The following PSG5 variants were observed in gnomAD, a reference collection of about 807,000 sequenced individuals.
The protein encoded by PSG5 is pregnancy-specific beta-1-glycoprotein 5.
In PSG5, 53 loss-of-function variants were observed where a neutral mutation model predicts 37.7. The ratio of observed to expected loss-of-function variants is 1.41; its 90% confidence interval spans 1.13 to 1.77. The LOEUF is 1.77. Among genes scored for constraint, PSG5 ranks in the 40% most tolerant of loss-of-function variants. PSG5 has a pLI of 0.00. For synonymous variants in PSG5, 221 were observed against 155.4 expected, an observed-to-expected ratio of 1.42 and a Z score of -3.14; for missense variants, 547 against 405.2, an observed-to-expected ratio of 1.35 and a Z score of -3.00.
intron 2 of PSG5, among the ~76,000 whole-genome samples, 162 bp from the exon 3 acceptor site, chr19:43,176,310 G>T (rs1472345400): frequency 6.6e-6 from 1 of 151,544 alleles, no homozygotes; most frequent in African/African-American, 2.4e-5. Flanking sequence ...ATGATCTAAG[G>T]GCTCAAAGAC....
chr19:43,185,024 G>C lies in PSG5; in HGVS notation c.188C>G (p.Ala63Gly), dbSNP rs1194223394. 1.2e-6 allele frequency: 2 copies of C among 1,612,580 alleles called. No individual in the cohort carries two copies. Among genetic ancestry groups the C allele is most frequent in the Admixed American group, 3.3e-5 (2 of 59,882 alleles). ...LLVHNLPQNL[A>G]GYIWYKGQLM... is the part of the protein sequence containing the mutation. ...TTGTCCTTTGTACCAGATGTAGCCAGCAAGATTCTGAGGCAAATTGTGGAC... is the reference window on the plus strand; with the variant it reads ...TTGTCCTTTGTACCAGATGTAGCCACCAAGATTCTGAGGCAAATTGTGGAC... The change falls in exon 2 of 6, where the codon GCT becomes GGT. Residue 63 changes from alanine to glycine, a missense_variant. Ala to Gly is a moderately conservative substitution (Grantham distance 60). Transcript: ENST00000342951.
intron 4 of PSG5, chr19:43,174,487 T>A: frequency 5.3e-6 from 4 of 756,612 alleles, no homozygotes; most frequent in Non-Finnish European, 6.4e-6. Context: ...TCCTCCGTGC[T>A]GTGTCCCACA....
At position 43,185,151 on chromosome 19, in the gene PSG5, G is replaced by A. The variant is rs201918340; in HGVS notation, c.65-4C>T. On this transcript the variant is annotated splice_polypyrimidine_tract_variant and splice_region_variant and intron_variant, in intron 1 of 5. Coordinates refer to ENST00000342951, the MANE Select transcript of PSG5 (RefSeq NM_002781.4). ...TTCCAGAAGTTTAAAAGTGATGCTA[G>A]GAGGTGGAGAAAGCACCAGTCAATA... The A allele has an allele frequency of 2.3e-5, 36 of 1,594,964 alleles. 2 individuals carry two copies. In the African/African-American group the frequency reaches 3.8e-4, roughly 17 times the overall value.
chr19:43,180,896 T>C (rs916446502), intron 2 of PSG5, among the ~76,000 whole-genome samples: 3 of 151,574 alleles, frequency 2.0e-5, no homozygotes, highest in African/African-American at 7.3e-5. Context: ...ATGTGTGTTA[T>C]GTTAGTAAAT....
intron 4 of PSG5, among the ~76,000 whole-genome samples, chr19:43,173,509 A>G (rs940595880): frequency 6.6e-6 from 1 of 151,748 alleles, no homozygotes; most frequent in African/African-American, 2.4e-5. Flanking sequence ...AACAACAGCA[A>G]ACATCCAAAA....
At chr19:43,183,581 G>A (rs1969177262) in intron 2 of PSG5, 9 of 438,054 alleles carry the variant, frequency 2.1e-5, no homozygotes, top group South Asian at 1.4e-4. Context: ...TAAGATCTGA[G>A]GGGGAGGCCT....
intron 2 of PSG5, among the ~76,000 whole-genome samples, chr19:43,178,361 T>C (rs570340745): frequency 6.6e-6 from 1 of 151,830 alleles, no homozygotes; most frequent in Admixed American, 6.6e-5. Flanking sequence ...GAACTTCCCA[T>C]CAATCAGCCA....
Position 43,167,864 on chromosome 19 carries a change from A to G in PSG5, c.*380T>C, listed in dbSNP as rs145060334. 0.015 allele frequency: 5,082 copies of G among 336,056 alleles called. 209 individuals carry two copies. The highest frequency in any genetic ancestry group is 0.069 in the African/African-American group (3,208 of 46,754). The allele number at this position is 336,056 out of a possible 1,614,324, so 20.8% of individuals were successfully genotyped here. On this transcript the variant is annotated 3_prime_UTR_variant, in exon 6 of 6. Transcript: ENST00000342951. ...TTTCAATTTTTGTTTACAAAAGTAT[A>G]CTTTACCAATTGCTCAAGAAAAAAA...
rs1209786783 is a variant in PSG5 at position 43,186,507 on chromosome 19, G to A, written c.-102C>T. The A allele has an allele frequency of 1.3e-6, 2 of 1,556,460 alleles. No individual in the cohort carries two copies. Among genetic ancestry groups the A allele is most frequent in the Admixed American group, 1.8e-5 (1 of 54,544 alleles). ...GTGCTGTCCTTCCTCCTTCTGTGCTGAGCCTCTCTCCAGGGCAGGAGCACT... is the reference window on the plus strand; with the variant it reads ...GTGCTGTCCTTCCTCCTTCTGTGCTAAGCCTCTCTCCAGGGCAGGAGCACT... On this transcript the variant is annotated 5_prime_UTR_variant, in exon 1 of 6. Transcript: ENST00000342951.
chr19:43,181,066 C>G (rs11666130), intron 2 of PSG5, among the ~76,000 whole-genome samples: 31,947 of 151,404 alleles, frequency 0.21, 4,062 homozygotes, highest in Non-Finnish European at 0.27. Context: ...AAGTGAGATG[C>G]CAATGGCTCG....
In PSG5 at chr19:43,174,631, G is replaced by A. The variant is rs959951172; in HGVS notation, c.964+584C>T. On this transcript the variant is annotated intron_variant, in intron 4 of 5. Transcript: ENST00000342951. ...GAGGCTTGGCTTCAACTGGCAGCTC[G>A]ATTTAGCCAAATTCAGGACAGGCCA... The A allele has an allele frequency of 4.8e-5, 47 of 977,434 alleles. 1 individual carries two copies. The East Asian group carries it at 8.6e-4, about 18-fold the overall frequency. 60.5% of individuals were successfully genotyped at this position (977,434 alleles called of 1,614,324 possible). A position where few individuals can be genotyped will look rare whatever the true frequency, so the allele number is the denominator to read the frequency against.
chr19:43,168,027 A>G lies in PSG5; in HGVS notation c.*217T>C, dbSNP rs1488620249. 9.7e-6 allele frequency: 4 copies of G among 414,328 alleles called. No homozygotes were observed. The highest frequency in any genetic ancestry group is 1.8e-5 in the Non-Finnish European group (4 of 225,852). The allele number at this position is 414,328 out of a possible 1,614,324, so 25.7% of individuals were successfully genotyped here. ...TCTTTGTCTAGAATTTCATGAAGGT[A>G]TCAGCCTGTTCATTAAAATTTTGAA... is the stretch of plus-strand genomic sequence containing the variant. On this transcript the variant is annotated 3_prime_UTR_variant, in exon 6 of 6. Coordinates refer to ENST00000342951, the MANE Select transcript of PSG5 (RefSeq NM_002781.4).
chr19:43,185,055 G>A lies in PSG5; in HGVS notation c.157C>T (p.Leu53=). The change falls in exon 2 of 6, where the codon CTA becomes TTA. Residue 53 remains leucine (L), a synonymous_variant. Transcript: ENST00000342951. The stretch of plus-strand genomic sequence containing the variant: ...TTCTGAGGCAAATTGTGGACAAGTA[G>A]AAGAACATCCTTCCCCTCGGAAACT... ...PKVSEGKDVL[L]LVHNLPQNLA... 1 of 1,612,474 alleles carries A rather than the reference G, an allele frequency of 6.2e-7. No homozygotes were observed. Among genetic ancestry groups the A allele is most frequent in the Non-Finnish European group, 8.5e-7 (1 of 1,179,062 alleles).
At position 43,184,828 on chromosome 19, in the gene PSG5, A is replaced by T; in HGVS notation, c.384T>A (p.Gly128=). Residue 128 remains glycine (G), a synonymous_variant, in exon 2 of 6, where the codon GGT becomes GGA. Transcript: ENST00000342951. The part of the protein sequence containing the change: ...GSYTLHIIKR[G]DRTRGVTGYF... The stretch of plus-strand genomic sequence containing the variant: ...ATCCAGTTACTCCTCTAGTCCTATC[A>T]CCTCGCTTTATGATGTGTAAGGTGT... 1 of 1,612,234 alleles carries T rather than the reference A, an allele frequency of 6.2e-7. No homozygotes were observed. The highest frequency in any genetic ancestry group is 2.2e-5 in the East Asian group (1 of 44,866).
intron 2 of PSG5, among the ~76,000 whole-genome samples, chr19:43,177,201 G>A (rs1969029906): frequency 1.3e-5 from 2 of 151,574 alleles, no homozygotes; most frequent in African/African-American, 2.4e-5. Flanking sequence ...CTGGGAGTGG[G>A]GAGAATCAGA....
intron 3 of PSG5, 109 bp downstream of exon 3, chr19:43,175,761 A>G (rs72623882): frequency 0.2 from 302,829 of 1,549,008 alleles, 39,232 homozygotes; most frequent in East Asian, 0.59. Context: ...TCAGATGTCC[A>G]GAAATAAAGG....
At chr19:43,169,488 G>A (rs1448735575) in intron 5 of PSG5, among the ~76,000 whole-genome samples, 3 of 151,570 alleles carry the variant, frequency 2.0e-5, no homozygotes, top group African/African-American at 7.3e-5. Context: ...GAAGGGGCAG[G>A]GATGTGTAGG....
chr19:43,183,668 T>C (rs1344795346), intron 2 of PSG5, among the ~76,000 whole-genome samples: 1 of 151,360 alleles, frequency 6.6e-6, no homozygotes, highest in African/African-American at 2.4e-5. Context: ...CAGCTGACCA[T>C]TTGCTCTCAC....
Position 43,172,991 on chromosome 19 carries a change from T to C in PSG5, c.964+2224A>G, listed in dbSNP as rs556812385. Reference sequence around the variant, plus strand: ...GATTTCAGCATTTACTACAAAGCCCTAGTAATCAATACAGTGTGGTACTGG... The same window carrying C: ...GATTTCAGCATTTACTACAAAGCCCCAGTAATCAATACAGTGTGGTACTGG... On this transcript the variant is annotated intron_variant, in intron 4 of 5. Transcript: ENST00000342951. Among the ~76,000 whole-genome samples, 72 of 151,832 alleles carry C rather than the reference T, an allele frequency of 4.7e-4. 1 individual carries two copies. The highest frequency in any genetic ancestry group is 8.5e-4 in the Non-Finnish European group (58 of 67,932).
Sources: allele counts gnomAD v4.1 joint callset (sites outside exome capture counted in the v4.1 genomes callset), GRCh38; gene constraint gnomAD v4.1.1; transcripts MANE v1.5; gene names NCBI Gene and HGNC (gene_info 2026-07-23, HGNC 2026-07-21).